GALNT14: variants seen among roughly 807,000 people sequenced by gnomAD.
GALNT14 encodes polypeptide N-acetylgalactosaminyltransferase 14, also known as UDP-GalNAc:polypeptide N-acetylgalactosaminyltransferase 14.
GALNT14 carries 60 observed loss-of-function variants against 77.5 expected under a neutral mutation model. The ratio of observed to expected loss-of-function variants is 0.77; its 90% confidence interval spans 0.63 to 0.96. The LOEUF is 0.96. Ranked by LOEUF, GALNT14 falls within the 40% of genes least tolerant of loss-of-function variation. The pLI is 0.00. For synonymous variants in GALNT14, 280 were observed against 281.7 expected (o/e 0.99, Z 0.06); for missense variants, 710 against 731.0 (o/e 0.97, Z 0.33).
rs143389820 is a variant in GALNT14, at chr2:31,061,191, C to T, written c.130-68184G>A. The stretch of plus-strand genomic sequence containing the variant: ...GCCTCAAACTCAACTCATCTACAAC[C>T]TCATCTCCACCTCCCATAACCAAGG... On this transcript the variant is annotated intron_variant, in intron 1 of 14. Transcript: ENST00000349752. Among the ~76,000 whole-genome samples, 203 of 152,202 alleles carry T rather than the reference C, an allele frequency of 1.3e-3. 1 individual carries two copies. Among genetic ancestry groups the T allele is most frequent in the African/African-American group, 4.5e-3 (188 of 41,528 alleles).
chr2:31,060,350 C>T (rs576603868), intron 1 of GALNT14, among the ~76,000 whole-genome samples: 2 of 152,310 alleles, frequency 1.3e-5, no homozygotes, highest in South Asian at 4.1e-4. Flanking sequence ...AAGCCTACCA[C>T]CAAGGACTTT....
At chr2:30,904,483 G>A in the GALNT14 span, among the ~76,000 whole-genome samples, 6 of 152,178 alleles carry the variant, frequency 3.9e-5, no homozygotes, top group Admixed American at 6.5e-5. Context: ...ACTCCCACCC[G>A]AATACTGCGC....
At chr2:31,015,989 A>G (rs1671325481) in intron 1 of GALNT14, among the ~76,000 whole-genome samples, 1 of 152,196 alleles carries the variant, frequency 6.6e-6, no homozygotes, top group Non-Finnish European at 1.5e-5. Flanking sequence ...AGGAGGAAGG[A>G]GATGATGAGA....
intron 1 of GALNT14, among the ~76,000 whole-genome samples, chr2:31,056,543 C>T (rs1400594792): frequency 1.3e-5 from 2 of 152,160 alleles, no homozygotes; most frequent in Admixed American, 1.3e-4. Context: ...TGATTCAGAT[C>T]AATGTACCAG....
At chr2:31,069,927 AGAAAG>A (rs1675238753) in intron 1 of GALNT14, among the ~76,000 whole-genome samples, 1 of 152,126 alleles carries the variant, frequency 6.6e-6, no homozygotes, top group South Asian at 2.1e-4. Context: ...GCACTGAGAC[AGAAAG>A]GAAAGAAATG....
At chr2:30,923,815 C>T (rs925642964) in intron 13 of GALNT14, among the ~76,000 whole-genome samples, 1 of 152,200 alleles carries the variant, frequency 6.6e-6, no homozygotes, top group Admixed American at 6.5e-5. Context: ...CCCACGGTTG[C>T]TGCCAGCAGG....
chr2:31,127,141 T>G (rs1678742905), intron 1 of GALNT14, among the ~76,000 whole-genome samples: 1 of 152,108 alleles, frequency 6.6e-6, no homozygotes, highest in Admixed American at 6.5e-5. Context: ...AGCCCCCCAA[T>G]CAAGAAACTG....
At chr2:30,971,273 G>A (rs76384685) in intron 2 of GALNT14, among the ~76,000 whole-genome samples, 3,267 of 152,210 alleles carry the variant, frequency 0.021, 146 homozygotes, top group East Asian at 0.21. Context: ...CTGAGCTCTG[G>A]CGCCAGCAGA....
At chr2:31,029,230 T>G (rs1672263524) in intron 1 of GALNT14, among the ~76,000 whole-genome samples, 2 of 152,230 alleles carry the variant, frequency 1.3e-5, no homozygotes, top group Non-Finnish European at 2.9e-5. Flanking sequence ...GGACAAGCTC[T>G]ATGACTCTTA....
intron 6 of GALNT14, among the ~76,000 whole-genome samples, chr2:30,952,695 G>A (rs1404606446): frequency 6.7e-6 from 1 of 149,730 alleles, no homozygotes; most frequent in African/African-American, 2.5e-5. Flanking sequence ...CACCAGCATG[G>A]CACATGTATA....
intron 1 of GALNT14, among the ~76,000 whole-genome samples, chr2:31,123,721 CA>C (rs2148641842): frequency 6.6e-6 from 1 of 152,252 alleles, no homozygotes; most frequent in Non-Finnish European, 1.5e-5. Flanking sequence ...GGAAGAGTGA[CA>C]TGATCAGGAC....
chr2:30,963,179 A>G (rs999648150), intron 3 of GALNT14, among the ~76,000 whole-genome samples: 5 of 152,182 alleles, frequency 3.3e-5, no homozygotes, highest in African/African-American at 1.2e-4. Context: ...GTCTTCTGAA[A>G]AGTACAGGGC....
At position 31,100,060 on chromosome 2, in the gene GALNT14, T is replaced by C. The variant is rs540029483; in HGVS notation, c.129+37898A>G. Among the ~76,000 whole-genome samples, 5 of 152,136 alleles carry C rather than the reference T, an allele frequency of 3.3e-5. 1 individual carries two copies. The South Asian group carries it at 1.0e-3, about 32-fold the overall frequency. On this transcript the variant is annotated intron_variant, in intron 1 of 14. Coordinates refer to ENST00000349752, the MANE Select transcript of GALNT14 (RefSeq NM_024572.4). ...CTTTAGTAGTGTTTTTAAATCTTCA[T>C]ATAGACCCTGGATATTTTTTGTTTA...
At chr2:30,978,882 T>G (rs954990586) in intron 2 of GALNT14, among the ~76,000 whole-genome samples, 1 of 152,220 alleles carries the variant, frequency 6.6e-6, no homozygotes, top group Non-Finnish European at 1.5e-5. Context: ...CAAGGGGTGC[T>G]GCTCAGGGTA....
At chr2:30,929,676 G>A (rs1050611646) in intron 10 of GALNT14, among the ~76,000 whole-genome samples, 189 bp from the exon 11 acceptor site, 12 of 152,210 alleles carry the variant, frequency 7.9e-5, no homozygotes, top group African/African-American at 2.9e-4. Flanking sequence ...AATCTCCAAA[G>A]GGGTCTTTAC....
Position 30,944,879 on chromosome 2 carries a change from A to T in GALNT14, c.806T>A (p.Leu269Gln). 1 of 1,609,932 alleles carries T rather than the reference A, an allele frequency of 6.2e-7. No homozygotes were observed. Among genetic ancestry groups the T allele is most frequent in the South Asian group, 1.1e-5 (1 of 90,538 alleles). Residue 269 changes from leucine (L) to glutamine (Q), a missense_variant, in exon 8 of 15, where the codon CTG (leucine) becomes CAG (glutamine). Transcript: ENST00000349752. ...TTACCTGATGGGCTCCGTGGGGTCC[A>T]GGCGCCGAGCCTTCTGCTCTGGGGA... ...QLSPEQKARR[L>Q]DPTEPIRTPI...
chr2:31,004,740 ATT>A (rs1041016088), intron 1 of GALNT14, among the ~76,000 whole-genome samples: 6 of 152,154 alleles, frequency 3.9e-5, no homozygotes, highest in African/African-American at 1.4e-4. Context: ...TAAGATTTGG[ATT>A]TATCAGGGAC....
At chr2:30,944,456 C>T (rs953794053) in intron 8 of GALNT14, among the ~76,000 whole-genome samples, 2 of 152,234 alleles carry the variant, frequency 1.3e-5, no homozygotes, top group Non-Finnish European at 2.9e-5. Context: ...CCTCCACTTA[C>T]AGCAGTGGCT....
At chr2:31,018,986 G>A (rs145539136) in intron 1 of GALNT14, among the ~76,000 whole-genome samples, 1,665 of 152,202 alleles carry the variant, frequency 0.011, 17 homozygotes, top group Non-Finnish European at 0.018. Context: ...GAAGGGGGCC[G>A]GTGATGGGGA....
Sources: allele counts gnomAD v4.1 joint callset (sites outside exome capture counted in the v4.1 genomes callset), GRCh38; gene constraint gnomAD v4.1.1; transcripts MANE v1.5; gene names NCBI Gene and HGNC (gene_info 2026-07-23, HGNC 2026-07-21).